Variants in SLC39A14 observed in about 807,000 individuals in gnomAD.
SLC39A14 encodes the protein metal cation symporter ZIP14.
In SLC39A14, 19 loss-of-function variants were observed where a neutral mutation model predicts 45.5. The ratio of observed to expected loss-of-function variants is 0.42; its 90% CI spans 0.29 to 0.61. The LOEUF (loss-of-function observed/expected upper bound fraction) is 0.61. Among genes scored for constraint, SLC39A14 ranks in the 20% least tolerant of loss-of-function variants. The pLI is 0.22. For missense variants in SLC39A14, 447 were observed against 616.5 expected (o/e 0.73, Z 2.91); for synonymous variants, 264 against 251.3 (o/e 1.05, Z -0.48).
At chr8:22,404,205 C>T (rs1213866737) in intron 1 of SLC39A14, among the ~76,000 whole-genome samples, 1 of 152,072 alleles carries the variant, frequency 6.6e-6, no homozygotes, top group African/African-American at 2.4e-5. Context: ...GGGTGGATCA[C>T]CTGAGGTCAC....
intron 1 of SLC39A14, among the ~76,000 whole-genome samples, chr8:22,369,795 C>G (rs1832832746): frequency 6.6e-6 from 1 of 152,094 alleles, no homozygotes; most frequent in Non-Finnish European, 1.5e-5. Context: ...GGCTGCTTGT[C>G]ATCATTCTCA....
At chr8:22,375,554 C>T (rs1297064666) in intron 1 of SLC39A14, among the ~76,000 whole-genome samples, 7 of 151,826 alleles carry the variant, frequency 4.6e-5, no homozygotes, top group Admixed American at 1.3e-4. Context: ...GGCACAATCT[C>T]GGCTCACTGC....
In SLC39A14 at chr8:22,388,648, C is replaced by G. The variant is rs1833910277; in HGVS notation, c.-15-16048C>G. Among the ~76,000 whole-genome samples the G allele has an allele frequency of 2.6e-5, 4 of 151,876 alleles. No homozygotes were observed. In the South Asian group the frequency reaches 8.3e-4, roughly 32 times the overall value. On this transcript the variant is annotated intron_variant, in intron 1 of 8. Transcript: ENST00000381237. ...AGGGGCTGGAGTGTTTCTTTCTGTT[C>G]AGGAGCCTGGAATCGTAGGGGGATG...
intron 3 of SLC39A14, chr8:22,409,957 G>A: frequency 6.2e-7 from 1 of 1,613,962 alleles, no homozygotes; most frequent in East Asian, 2.2e-5. Flanking sequence ...GTGGGGCTTT[G>A]GTTTTCTCAG....
At position 22,433,158 on chromosome 8, in the gene SLC39A14, T is replaced by C. The variant is rs1038765064; in HGVS notation, c.1333-733T>C. 1.3e-4 allele frequency among the ~76,000 whole-genome samples: 20 copies of C among 152,162 alleles called. No individual in the cohort carries two copies. The East Asian group carries it at 3.7e-3, about 28-fold the overall frequency. On this transcript the variant is annotated intron_variant, in intron 8 of 8. Coordinates refer to the SLC39A14 transcript ENST00000240095. ...TTCTCACCACAGAAAATTGGAAAGA[T>C]AAAGAAATTTTTTTTATTACACCAC...
rs188309402 is a variant in SLC39A14 at position 22,382,207 on chromosome 8, T to C, written c.-16+14799T>C. Reference sequence around the variant, plus strand: ...GGTAATTTGTAAAAAGGAGTAGAAATATAAAAGTAAACCTAAAACGTTGAT... The same window carrying C: ...GGTAATTTGTAAAAAGGAGTAGAAACATAAAAGTAAACCTAAAACGTTGAT... On this transcript the variant is annotated intron_variant, in intron 1 of 8. Transcript: ENST00000381237. Among the ~76,000 whole-genome samples the C allele has an allele frequency of 1.7e-4, 26 of 151,994 alleles. 1 individual carries two copies. The East Asian group carries it at 4.1e-3, about 24-fold the overall frequency.
chr8:22,394,080 C>T (rs1834234114), intron 1 of SLC39A14, among the ~76,000 whole-genome samples: 1 of 149,644 alleles, frequency 6.7e-6, no homozygotes, highest in African/African-American at 2.5e-5. Context: ...GATCTTGGCT[C>T]ACTGCAACCT....
chr8:22,431,331 A>G (rs958774301), intron 8 of SLC39A14, among the ~76,000 whole-genome samples: 1 of 152,206 alleles, frequency 6.6e-6, no homozygotes, highest in Non-Finnish European at 1.5e-5. Context: ...ACATTATAAT[A>G]TACCTTTTGT....
At chr8:22,416,364 C>T in intron 7 of SLC39A14, 84 bp downstream of exon 7, 6 of 1,135,726 alleles carry the variant, frequency 5.3e-6, no homozygotes, top group Non-Finnish European at 7.9e-6. Flanking sequence ...TTGCTCCCAT[C>T]TCCCTGTCTT....
intron 1 of SLC39A14, among the ~76,000 whole-genome samples, chr8:22,374,194 G>A (rs957105566): frequency 6.6e-6 from 1 of 152,214 alleles, no homozygotes; most frequent in Non-Finnish European, 1.5e-5. Flanking sequence ...GGTGGGGTTG[G>A]GGGGAGGTTG....
intron 2 of SLC39A14, among the ~76,000 whole-genome samples, chr8:22,405,284 G>A (rs140163405): frequency 0.026 from 4,026 of 152,270 alleles, 177 homozygotes; most frequent in African/African-American, 0.092. Context: ...AGGCCAAGGC[G>A]GGTGGATTAT....
At chr8:22,407,961 G>C (rs1835326261) in intron 2 of SLC39A14, among the ~76,000 whole-genome samples, 1 of 152,086 alleles carries the variant, frequency 6.6e-6, no homozygotes, top group African/African-American at 2.4e-5. Flanking sequence ...GCCTGCCTTG[G>C]CCTTCCAAAG....
At chr8:22,392,324 CA>C (rs958923036) in intron 1 of SLC39A14, among the ~76,000 whole-genome samples, 3 of 152,154 alleles carry the variant, frequency 2.0e-5, no homozygotes, top group Admixed American at 1.3e-4. Context: ...GGTGCTTTCA[CA>C]GTTTAATTGT....
At chr8:22,394,069 T>G (rs1410035828) in intron 1 of SLC39A14, among the ~76,000 whole-genome samples, 4 of 150,522 alleles carry the variant, frequency 2.7e-5, no homozygotes, top group Non-Finnish European at 4.4e-5. Flanking sequence ...TATAGTGGCG[T>G]GATCTTGGCT....
In SLC39A14 at chr8:22,420,929, A is replaced by G. The variant is rs1836190199; in HGVS notation, c.*1231A>G. 5.1e-6 allele frequency: 5 copies of G among 985,832 alleles called. No homozygotes were observed. Among genetic ancestry groups the G allele is most frequent in the Non-Finnish European group, 6.0e-6 (5 of 829,944 alleles). 61.1% of individuals were successfully genotyped at this position (985,832 alleles called of 1,614,324 possible). ...AAAGTCGAATCCTGCATTGAATTGAATATGAATTTCTCTAACTCTCTCCAG... is the reference window on the plus strand; with the variant it reads ...AAAGTCGAATCCTGCATTGAATTGAGTATGAATTTCTCTAACTCTCTCCAG... On this transcript the variant is annotated 3_prime_UTR_variant, in exon 9 of 9. Transcript: ENST00000381237.
chr8:22,429,775 CA>C (rs1836440154), intron 8 of SLC39A14, among the ~76,000 whole-genome samples: 1 of 152,174 alleles, frequency 6.6e-6, no homozygotes, highest in South Asian at 2.1e-4. Context: ...CATGACATAG[CA>C]GTGAAAGATC....
In SLC39A14 at chr8:22,388,101, G is replaced by T. The variant is rs117171307; in HGVS notation, c.-15-16595G>T. 8.4e-3 allele frequency among the ~76,000 whole-genome samples: 1,287 copies of T among 152,326 alleles called. 8 individuals are homozygous for T. Among genetic ancestry groups the T allele is most frequent in the Middle Eastern group, 0.024 (7 of 292 alleles). ...AAGATCCTACCAACCCCACAGGACTGTTAGGAAACAATCAGAAAAACCTAA... is the reference window on the plus strand; with the variant it reads ...AAGATCCTACCAACCCCACAGGACTTTTAGGAAACAATCAGAAAAACCTAA... On this transcript the variant is annotated intron_variant, in intron 1 of 8. Transcript: ENST00000381237.
chr8:22,428,665 T>A (rs111370865), intron 8 of SLC39A14, among the ~76,000 whole-genome samples: 3,876 of 151,762 alleles, frequency 0.026, 174 homozygotes, highest in African/African-American at 0.088. Context: ...CTGGTCTCGA[T>A]CTCTTGACCT....
At chr8:22,424,880 T>G (rs1025344494), downstream of SLC39A14, among the ~76,000 whole-genome samples, 2 of 151,918 alleles carry the variant, frequency 1.3e-5, no homozygotes, top group African/African-American at 4.8e-5. Flanking sequence ...AATACAAAAT[T>G]TAGCCGGGCA....
Sources: gnomAD v4.1 joint callset for allele counts (sites outside exome capture counted in the v4.1 genomes callset) on GRCh38, gnomAD v4.1.1 for gene constraint, MANE v1.5 for transcripts, NCBI Gene and HGNC (gene_info 2026-07-23, HGNC 2026-07-21) for gene names.